Variants in FBXO4 observed in about 807,000 individuals in gnomAD.
The protein encoded by FBXO4 is F-box only protein 4.
FBXO4 carries 36 observed loss-of-function variants against 43.7 expected under a neutral mutation model. The ratio of observed to expected loss-of-function variants is 0.82; its 90% CI spans 0.63 to 1.09. The LOEUF (loss-of-function observed/expected upper bound fraction) is 1.09, where lower values mean the gene tolerates loss of function less well. FBXO4 is among the 50% of genes least tolerant of loss of function. FBXO4 has a pLI of 0.00. For missense variants in FBXO4, 435 were observed against 474.1 expected (o/e 0.92, Z 0.77); for synonymous variants, 180 against 165.6 (o/e 1.09, Z -0.67).
At position 41,941,512 on chromosome 5, in the gene FBXO4, T is replaced by A; in HGVS notation, c.*231T>A. ...GCCCCAAAATGAACCTTTAAACATT[T>A]TTTTGGTAATTTTTATATTTTCTGT... On this transcript the variant is annotated 3_prime_UTR_variant, in exon 7 of 7. Coordinates refer to ENST00000281623, the MANE Select transcript of FBXO4 (RefSeq NM_012176.3). 1 of 254,648 alleles carries A rather than the reference T, an allele frequency of 3.9e-6. No homozygotes were observed. The highest frequency in any genetic ancestry group is 5.1e-5 in the Admixed American group (1 of 19,466). The allele number at this position is 254,648 out of a possible 1,614,324, so 15.8% of individuals were successfully genotyped here.
chr5:42,019,336 G>A, the FBXO4 span, among the ~76,000 whole-genome samples: 4 of 152,088 alleles, frequency 2.6e-5, no homozygotes, highest in Non-Finnish European at 5.9e-5. Context: ...AGTTAAATAA[G>A]TTAGACGCTC....
the FBXO4 span, among the ~76,000 whole-genome samples, chr5:42,004,794 G>T: frequency 1.3e-5 from 2 of 152,068 alleles, no homozygotes; most frequent in African/African-American, 4.8e-5. Flanking sequence ...TAGAATGGGC[G>T]GTGGTGAGGT....
the FBXO4 span, among the ~76,000 whole-genome samples, chr5:42,020,423 G>A: frequency 6.6e-6 from 1 of 152,130 alleles, no homozygotes; most frequent in Non-Finnish European, 1.5e-5. Context: ...TAAATACAGA[G>A]TGAATCAAGA....
At chr5:41,933,827 G>A (rs1052294653) in intron 3 of FBXO4, 119 bp from the exon 4 acceptor site, 5 of 696,016 alleles carry the variant, frequency 7.2e-6, no homozygotes, top group African/African-American at 5.4e-5. Flanking sequence ...TCAACTCTAT[G>A]TATAAGTTGT....
At chr5:41,928,111 G>C (rs7725264) in intron 2 of FBXO4, among the ~76,000 whole-genome samples, 1 of 151,864 alleles carries the variant, frequency 6.6e-6, no homozygotes, top group Non-Finnish European at 1.5e-5. Context: ...GTCAAGTGTT[G>C]TGAGACTATT....
At chr5:42,021,066 A>T in the FBXO4 span, among the ~76,000 whole-genome samples, 4 of 152,158 alleles carry the variant, frequency 2.6e-5, no homozygotes, top group African/African-American at 9.6e-5. Flanking sequence ...TGTAGGTCAC[A>T]ACTAGGCATT....
the FBXO4 span, among the ~76,000 whole-genome samples, chr5:42,028,551 C>T: frequency 2.0e-5 from 3 of 151,676 alleles, no homozygotes; most frequent in African/African-American, 4.8e-5. Context: ...GTAAGGACTT[C>T]CTCCTGCCAT....
At chr5:41,953,523 G>T in the FBXO4 span, among the ~76,000 whole-genome samples, 2 of 151,932 alleles carry the variant, frequency 1.3e-5, no homozygotes, top group African/African-American at 4.8e-5. Context: ...GTAATGGGAT[G>T]GCTGGGTCAA....
At chr5:41,957,556 T>C in the FBXO4 span, among the ~76,000 whole-genome samples, 2 of 150,910 alleles carry the variant, frequency 1.3e-5, no homozygotes, top group African/African-American at 4.9e-5. Context: ...CATAATTATG[T>C]ATCTATTATT....
Position 41,929,874 on chromosome 5 carries a change from G to A in FBXO4, c.603G>A (p.Glu201=). 1 of 1,613,770 alleles carries A rather than the reference G, an allele frequency of 6.2e-7. No individual in the cohort carries two copies. The highest frequency in any genetic ancestry group is 2.2e-5 in the East Asian group (1 of 44,860). Residue 201 remains glutamate, a synonymous_variant, in exon 3 of 7, where the codon GAG becomes GAA. Transcript: ENST00000281623. ...TSLVLSLMSS[E]ELCPTAGLPQ... ...TGGTGTTGAGCTTGATGTCTTCAGA[G>A]GAACTTTGCCCAACAGCTGGTTTGC...
the FBXO4 span, chr5:41,967,750 G>A: frequency 1.6e-6 from 1 of 616,046 alleles, no homozygotes; most frequent in South Asian, 1.4e-5. Flanking sequence ...TGGAAAAACA[G>A]AATTGCAGAT....
At chr5:42,028,964 G>C in the FBXO4 span, among the ~76,000 whole-genome samples, 1 of 151,890 alleles carries the variant, frequency 6.6e-6, no homozygotes, top group Non-Finnish European at 1.5e-5. Context: ...TTATACAGAG[G>C]ATGAGTAGTT....
At chr5:42,006,671 G>T in the FBXO4 span, among the ~76,000 whole-genome samples, 7 of 151,548 alleles carry the variant, frequency 4.6e-5, no homozygotes, top group Admixed American at 4.0e-4. Context: ...AATAGCCTTT[G>T]TTTGACACTG....
chr5:42,027,133 T>C, the FBXO4 span, among the ~76,000 whole-genome samples: 10 of 151,912 alleles, frequency 6.6e-5, no homozygotes, highest in Non-Finnish European at 1.3e-4. Context: ...TATTAGTTAT[T>C]CTTAAAATGT....
At chr5:41,936,456 C>A (rs1050867441) in intron 5 of FBXO4, among the ~76,000 whole-genome samples, 1 of 152,036 alleles carries the variant, frequency 6.6e-6, no homozygotes, top group Non-Finnish European at 1.5e-5. Context: ...ATCGCTTGAG[C>A]CTGGGAGGCA....
At chr5:41,940,993 T>C (rs1174595872) in intron 6 of FBXO4, among the ~76,000 whole-genome samples, 199 bp from the exon 7 acceptor site, 1 of 152,218 alleles carries the variant, frequency 6.6e-6, no homozygotes, top group East Asian at 1.9e-4. Flanking sequence ...ATAAACTTTA[T>C]ATTGGTAATA....
chr5:41,979,241 G>T, the FBXO4 span, among the ~76,000 whole-genome samples: 1 of 152,148 alleles, frequency 6.6e-6, no homozygotes, highest in Admixed American at 6.6e-5. Flanking sequence ...CAAGTTGTTG[G>T]ATTAAAGTCT....
At chr5:41,988,313 G>A in the FBXO4 span, among the ~76,000 whole-genome samples, 1 of 152,068 alleles carries the variant, frequency 6.6e-6, no homozygotes, top group Non-Finnish European at 1.5e-5. Context: ...AGCAGGTTAG[G>A]CTCTGGTTAA....
At chr5:41,967,317 T>A in the FBXO4 span, 12 of 444,370 alleles carry the variant, frequency 2.7e-5, no homozygotes, top group African/African-American at 2.2e-4. Context: ...AAAATCCACA[T>A]TTCCAACCAA....
Sources: allele counts gnomAD v4.1 joint callset (sites outside exome capture counted in the v4.1 genomes callset), GRCh38; gene constraint gnomAD v4.1.1; transcripts MANE v1.5; gene names NCBI Gene and HGNC (gene_info 2026-07-23, HGNC 2026-07-21).